EFNA5: variants seen among roughly 807,000 people sequenced by gnomAD.
The protein encoded by EFNA5 is ephrin A5.
A neutral mutation model predicts 22.9 loss-of-function variants in EFNA5; 5 were observed. The ratio of observed to expected loss-of-function variants is 0.22; its 90% CI spans 0.11 to 0.46. The LOEUF is 0.46. Among genes scored for constraint, EFNA5 ranks in the 20% least tolerant of loss-of-function variants. The probability of loss-of-function intolerance (pLI) is 0.99; values close to 1 mark genes in which losing one functional copy is unlikely to be tolerated. For synonymous variants in EFNA5, 113 were observed against 112.2 expected (o/e 1.01, Z -0.04); for missense variants, 237 against 293.3 (o/e 0.81, Z 1.40).
chr5:107,504,921 T>C (rs1387414986), intron 1 of EFNA5, among the ~76,000 whole-genome samples: 1 of 152,204 alleles, frequency 6.6e-6, no homozygotes, highest in Non-Finnish European at 1.5e-5. Context: ...TAGTAAAATT[T>C]TGGCCCTATA....
At position 107,612,877 on chromosome 5, in the gene EFNA5, G is replaced by A. The variant is rs183225071; in HGVS notation, c.125+57612C>T. 3.2e-4 allele frequency among the ~76,000 whole-genome samples: 48 copies of A among 152,242 alleles called. No individual in the cohort carries two copies. The East Asian group carries it at 7.0e-3, about 22-fold the overall frequency. On this transcript the variant is annotated intron_variant, in intron 1 of 4. Coordinates refer to ENST00000333274, the MANE Select transcript of EFNA5 (RefSeq NM_001962.3). Reference sequence around the variant, plus strand: ...GATCCCAGAATCCTCTTAGATGAATGAAAGTTAAAGGAAATAACCTTCTAG... The same window carrying A: ...GATCCCAGAATCCTCTTAGATGAATAAAAGTTAAAGGAAATAACCTTCTAG...
intron 1 of EFNA5, among the ~76,000 whole-genome samples, chr5:107,551,092 G>T (rs954272533): frequency 1.3e-5 from 2 of 152,092 alleles, no homozygotes; most frequent in East Asian, 3.9e-4. Flanking sequence ...ATAATTATGC[G>T]TCCTAACTCA....
At chr5:107,386,227 T>C (rs1215208145) in intron 4 of EFNA5, among the ~76,000 whole-genome samples, 1 of 151,726 alleles carries the variant, frequency 6.6e-6, no homozygotes, top group East Asian at 1.9e-4. Context: ...ATAATTTTAT[T>C]TCCCTTAAGC....
chr5:107,386,512 T>G (rs993841871), intron 4 of EFNA5, among the ~76,000 whole-genome samples: 6 of 152,200 alleles, frequency 3.9e-5, no homozygotes, highest in Admixed American at 6.5e-5. Flanking sequence ...TTATTTTTCT[T>G]TAGTTATGGG....
At chr5:107,391,670 G>A (rs1050206242) in intron 2 of EFNA5, among the ~76,000 whole-genome samples, 6 of 152,186 alleles carry the variant, frequency 3.9e-5, no homozygotes, top group Non-Finnish European at 5.9e-5. Context: ...AGTGTAAGTT[G>A]GAGTCAGGAA....
chr5:107,401,396 A>C (rs1278619648), intron 2 of EFNA5, among the ~76,000 whole-genome samples: 1 of 152,248 alleles, frequency 6.6e-6, no homozygotes, highest in African/African-American at 2.4e-5. Context: ...TGCTAATTAC[A>C]AAACTCAACA....
At chr5:107,566,297 G>A (rs888898021) in intron 1 of EFNA5, among the ~76,000 whole-genome samples, 3 of 152,062 alleles carry the variant, frequency 2.0e-5, no homozygotes, top group African/African-American at 7.3e-5. Context: ...CTGGGTGAGA[G>A]CCTTCTATTC....
chr5:107,384,392 T>C (rs557926349), intron 4 of EFNA5, among the ~76,000 whole-genome samples: 55 of 152,270 alleles, frequency 3.6e-4, no homozygotes, highest in Non-Finnish European at 5.0e-4. Flanking sequence ...CCTGCATCCC[T>C]GATGATAGGA....
intron 1 of EFNA5, among the ~76,000 whole-genome samples, chr5:107,567,450 A>G (rs1748684065): frequency 1.3e-5 from 2 of 152,172 alleles, no homozygotes. Flanking sequence ...GGGCACATGT[A>G]CCTGTGCATA....
At chr5:107,382,997 C>A (rs1040249405) in intron 4 of EFNA5, among the ~76,000 whole-genome samples, 3 of 152,216 alleles carry the variant, frequency 2.0e-5, no homozygotes, top group African/African-American at 7.2e-5. Flanking sequence ...TGGGTAGAAT[C>A]ACACTCGCTA....
chr5:107,499,253 A>G (rs1323375297), intron 1 of EFNA5, among the ~76,000 whole-genome samples: 1 of 152,158 alleles, frequency 6.6e-6, no homozygotes, highest in Non-Finnish European at 1.5e-5. Context: ...ACAACAATAA[A>G]CCTGCCCTGA....
chr5:107,389,380 A>G (rs990655852), intron 2 of EFNA5, among the ~76,000 whole-genome samples: 3 of 152,220 alleles, frequency 2.0e-5, no homozygotes, highest in African/African-American at 7.2e-5. Context: ...ACTCCAATTC[A>G]TTAGGAAAAC....
At chr5:107,612,193 C>G (rs939026598) in intron 1 of EFNA5, among the ~76,000 whole-genome samples, 1 of 152,224 alleles carries the variant, frequency 6.6e-6, no homozygotes, top group South Asian at 2.1e-4. Flanking sequence ...ATTTATTTCT[C>G]TTATTACTTT....
intron 1 of EFNA5, among the ~76,000 whole-genome samples, chr5:107,576,589 T>C (rs2112491157): frequency 6.6e-6 from 1 of 152,230 alleles, no homozygotes; most frequent in East Asian, 1.9e-4. Flanking sequence ...ACCATAAATT[T>C]ACCCATGGAA....
intron 1 of EFNA5, among the ~76,000 whole-genome samples, chr5:107,618,696 G>A (rs960745066): frequency 2.0e-5 from 3 of 152,128 alleles, no homozygotes; most frequent in Non-Finnish European, 4.4e-5. Flanking sequence ...TACAAAACAA[G>A]AGGAAATCTA....
intron 2 of EFNA5, among the ~76,000 whole-genome samples, chr5:107,426,768 G>A (rs998781516): frequency 2.6e-4 from 39 of 152,238 alleles, no homozygotes; most frequent in African/African-American, 8.7e-4. Flanking sequence ...AGTATTTATC[G>A]TCAACATGCT....
In EFNA5 at chr5:107,377,438, G is replaced by A. The variant is rs983374253; in HGVS notation, c.*3817C>T. The A allele has an allele frequency of 6.6e-6, 1 of 152,004 alleles. No individual in the cohort carries two copies. Among genetic ancestry groups the A allele is most frequent in the Non-Finnish European group, 1.5e-5 (1 of 68,002 alleles). 9.4% of individuals were successfully genotyped at this position (152,004 alleles called of 1,614,324 possible). A position where few individuals can be genotyped will look rare whatever the true frequency, so the allele number is the denominator to read the frequency against. ...AGGGGGGTGGTGTAGGCAAACGGGG[G>A]TGTTGGTGGAGGCGGTTTTCAAAAG... On this transcript the variant is annotated 3_prime_UTR_variant, in exon 5 of 5. Transcript: ENST00000333274.
intron 1 of EFNA5, among the ~76,000 whole-genome samples, chr5:107,444,334 CTTG>C (rs1420151957): frequency 6.6e-6 from 1 of 152,190 alleles, no homozygotes; most frequent in East Asian, 1.9e-4. Flanking sequence ...TGATTGGATT[CTTG>C]TTGTCTCATC....
At chr5:107,381,465 C>T in intron 4 of EFNA5, 89 bp from the exon 5 acceptor site, 1 of 1,435,618 alleles carries the variant, frequency 7.0e-7, no homozygotes, top group Non-Finnish European at 9.3e-7. Flanking sequence ...ACCTCGCCAC[C>T]CTCTGCAAAG....
Sources: gnomAD v4.1 joint callset for allele counts (sites outside exome capture counted in the v4.1 genomes callset) on GRCh38, gnomAD v4.1.1 for gene constraint, MANE v1.5 for transcripts, NCBI Gene and HGNC (gene_info 2026-07-23, HGNC 2026-07-21) for gene names.